Variants in SP140 observed in about 807,000 individuals in gnomAD.
SP140 encodes nuclear body protein SP140.
SP140 carries 81 observed loss-of-function variants against 125.0 expected under a neutral mutation model. The ratio of observed to expected loss-of-function variants is 0.65; its 90% CI spans 0.54 to 0.78. SP140 has a LOEUF of 0.78. Among genes scored for constraint, SP140 ranks in the 30% least tolerant of loss-of-function variants. The pLI is 0.00. For missense variants in SP140, 858 were observed against 1,037.0 expected (o/e 0.83, Z 2.37); for synonymous variants, 312 against 354.0 (o/e 0.88, Z 1.33).
intron 10 of SP140, among the ~76,000 whole-genome samples, chr2:230,252,374 G>T (rs1378882317): frequency 1.3e-5 from 2 of 152,010 alleles, no homozygotes; most frequent in Non-Finnish European, 2.9e-5. Context: ...ACCTTCATGT[G>T]CCTTAATAGG....
At chr2:230,233,606 A>C (rs543269187) in intron 1 of SP140, among the ~76,000 whole-genome samples, 61 of 152,356 alleles carry the variant, frequency 4.0e-4, no homozygotes, top group Non-Finnish European at 6.2e-4. Flanking sequence ...TTAGAAATTA[A>C]AACTTTGAAC....
At chr2:230,312,035 A>G (rs2149642861) in intron 26 of SP140, among the ~76,000 whole-genome samples, 1 of 152,354 alleles carries the variant, frequency 6.6e-6, no homozygotes, top group African/African-American at 2.4e-5. Context: ...AGAAAGGAAC[A>G]GATCAGTGAT....
intron 15 of SP140, among the ~76,000 whole-genome samples, chr2:230,271,933 C>T (rs1299121611): frequency 6.6e-6 from 1 of 152,076 alleles, no homozygotes; most frequent in Non-Finnish European, 1.5e-5. Context: ...GTCCCTCAGC[C>T]ATCTCAGCAG....
intron 22 of SP140, among the ~76,000 whole-genome samples, chr2:230,308,196 C>A (rs2058996535): frequency 6.6e-6 from 1 of 151,596 alleles, no homozygotes; most frequent in Non-Finnish European, 1.5e-5. Flanking sequence ...TATGAGGATG[C>A]AAAGGCATAA....
intron 10 of SP140, among the ~76,000 whole-genome samples, chr2:230,251,366 T>A (rs1575017385): frequency 6.6e-6 from 1 of 152,176 alleles, no homozygotes; most frequent in East Asian, 1.9e-4. Context: ...CTCATGCCTA[T>A]TAATACTGAA....
intron 15 of SP140, among the ~76,000 whole-genome samples, chr2:230,277,778 A>C (rs1351171903): frequency 6.6e-6 from 1 of 152,180 alleles, no homozygotes; most frequent in Non-Finnish European, 1.5e-5. Flanking sequence ...ATTAAGAGAT[A>C]TAACACTGGT....
At chr2:230,307,972 T>TATATAC (rs2058939184) in intron 22 of SP140, among the ~76,000 whole-genome samples, 1 of 86,564 alleles carries the variant, frequency 1.2e-5, no homozygotes, top group Non-Finnish European at 2.5e-5. Flanking sequence ...TATATATATA[T>TATATAC]ATATATATAT....
intron 5 of SP140, among the ~76,000 whole-genome samples, chr2:230,244,580 G>A (rs1042450457): frequency 6.6e-6 from 1 of 152,156 alleles, no homozygotes; most frequent in African/African-American, 2.4e-5. Flanking sequence ...GCAGGGAAAA[G>A]CAGAGAGAAA....
At chr2:230,257,743 G>A (rs1197616323) in intron 12 of SP140, among the ~76,000 whole-genome samples, 1 of 152,190 alleles carries the variant, frequency 6.6e-6, no homozygotes, top group East Asian at 1.9e-4. Flanking sequence ...CTCCAGCCTG[G>A]TGACAGAGCA....
intron 3 of SP140, among the ~76,000 whole-genome samples, chr2:230,215,283 C>T (rs546927318): frequency 6.6e-6 from 1 of 152,288 alleles, no homozygotes; most frequent in Non-Finnish European, 1.5e-5. Flanking sequence ...CACAGTTTTA[C>T]ATGCTTATTT....
chr2:230,251,353 A>G (rs1460327510), intron 10 of SP140, among the ~76,000 whole-genome samples: 1 of 152,114 alleles, frequency 6.6e-6, no homozygotes, highest in Non-Finnish European at 1.5e-5. Flanking sequence ...TCCCCTTCAT[A>G]TTCTCATGCC....
chr2:230,230,882 A>G (rs145969724), intron 1 of SP140, among the ~76,000 whole-genome samples: 18 of 152,204 alleles, frequency 1.2e-4, no homozygotes, highest in African/African-American at 4.3e-4. Flanking sequence ...TTCCAATTAC[A>G]TATTTGTCAC....
At chr2:230,262,611 C>T (rs774358104) in intron 12 of SP140, among the ~76,000 whole-genome samples, 4 of 152,048 alleles carry the variant, frequency 2.6e-5, no homozygotes, top group East Asian at 1.9e-4. Context: ...CTCTTAGCAC[C>T]GCCTTTGCTC....
At chr2:230,251,443 A>AAAC (rs1371305643) in intron 10 of SP140, among the ~76,000 whole-genome samples, 1 of 152,212 alleles carries the variant, frequency 6.6e-6, no homozygotes, top group Non-Finnish European at 1.5e-5. Context: ...GGGGCCAGAC[A>AAAC]AACTGGGTAA....
intron 15 of SP140, among the ~76,000 whole-genome samples, chr2:230,280,105 G>A (rs961303363): frequency 1.4e-4 from 22 of 151,918 alleles, no homozygotes; most frequent in Admixed American, 2.6e-4. Context: ...AATTTTATTT[G>A]CTCCATCAGA....
At chr2:230,222,054 C>T (rs1182183527), upstream of SP140, among the ~76,000 whole-genome samples, 1 of 152,136 alleles carries the variant, frequency 6.6e-6, no homozygotes, top group Non-Finnish European at 1.5e-5. Context: ...ATGGCAAAAT[C>T]CCGTCTCTAC....
At chr2:230,290,588 T>A in intron 19 of SP140, 24 bp downstream of exon 19, 1 of 1,555,960 alleles carries the variant, frequency 6.4e-7, no homozygotes, top group Non-Finnish European at 8.8e-7. Flanking sequence ...TCTTCTTTAA[T>A]TTGCAGCTCC....
At chr2:230,293,329 AT>A (rs2057340059) in intron 20 of SP140, among the ~76,000 whole-genome samples, 1 of 152,150 alleles carries the variant, frequency 6.6e-6, no homozygotes, top group Non-Finnish European at 1.5e-5. Flanking sequence ...ATTTAAAACA[AT>A]ATTTTATTTT....
upstream of SP140, among the ~76,000 whole-genome samples, chr2:230,199,145 A>ATTT (rs1175239097): frequency 1.1e-4 from 13 of 121,694 alleles, no homozygotes; most frequent in African/African-American, 4.2e-4. Context: ...TATTATTATT[A>ATTT]TTATTTTTTT....
Sources: gnomAD v4.1 joint callset for allele counts (sites outside exome capture counted in the v4.1 genomes callset) on GRCh38, gnomAD v4.1.1 for gene constraint, MANE v1.5 for transcripts, NCBI Gene and HGNC (gene_info 2026-07-23, HGNC 2026-07-21) for gene names.